The following ZSWIM7 variants were observed in gnomAD, a reference collection of about 807,000 sequenced individuals.
ZSWIM7 encodes the protein zinc finger SWIM domain-containing protein 7.
In ZSWIM7, 22 loss-of-function variants were observed where a neutral mutation model predicts 21.1. That is an observed-to-expected ratio of 1.04 (90% CI 0.74 to 1.49). The LOEUF is 1.49. Among genes scored for constraint, ZSWIM7 ranks in the 40% most tolerant of loss-of-function variants. The probability of loss-of-function intolerance (pLI) is 0.00; values close to 1 mark genes in which losing one functional copy is unlikely to be tolerated. For synonymous variants in ZSWIM7, 67 were observed against 66.5 expected (o/e 1.01, Z -0.04); for missense variants, 193 against 168.0 (o/e 1.15, Z -0.82).
At chr17:15,986,405 A>G (rs1363930328) in intron 3 of ZSWIM7, among the ~76,000 whole-genome samples, 1 of 152,194 alleles carries the variant, frequency 6.6e-6, no homozygotes, top group Non-Finnish European at 1.5e-5. Context: ...GCTAAGTGAA[A>G]TAAGCCAGGT....
intron 4 of ZSWIM7, among the ~76,000 whole-genome samples, chr17:15,979,942 T>C: frequency 8.3e-6 from 1 of 120,584 alleles, no homozygotes. Context: ...ACGGGGCGGC[T>C]GGCCGGGCAG....
chr17:15,998,357 G>A (rs1210648409), intron 1 of ZSWIM7, among the ~76,000 whole-genome samples: 2 of 152,150 alleles, frequency 1.3e-5, no homozygotes, highest in Admixed American at 1.3e-4. Context: ...TTTTGACTGA[G>A]ATGAGGAAAC....
At chr17:15,978,247 A>C in intron 4 of ZSWIM7, 84 bp from the exon 5 acceptor site, 2 of 965,522 alleles carry the variant, frequency 2.1e-6, no homozygotes, top group Non-Finnish European at 3.3e-6. Context: ...TTACCATCTT[A>C]TTTGGCAGGA....
chr17:15,993,885 C>A, intron 1 of ZSWIM7, 107 bp from the exon 2 acceptor site: 1 of 766,484 alleles, frequency 1.3e-6, no homozygotes, highest in South Asian at 1.6e-5. Flanking sequence ...GTGTGATGGT[C>A]AACTGAACCT....
chr17:15,998,922 T>A (rs1014617391), intron 1 of ZSWIM7, among the ~76,000 whole-genome samples: 1 of 151,874 alleles, frequency 6.6e-6, no homozygotes, highest in Non-Finnish European at 1.5e-5. Context: ...GCCCAGCTAA[T>A]TTTTTGTATT....
intron 2 of ZSWIM7, among the ~76,000 whole-genome samples, chr17:15,991,923 GTTTT>G (rs1970490121): frequency 7.8e-6 from 1 of 128,414 alleles, no homozygotes; most frequent in African/African-American, 3.0e-5. Context: ...TGTTTGTTTT[GTTTT>G]GTTTTGTTTT....
chr17:15,992,338 T>C (rs1292415380), intron 2 of ZSWIM7, among the ~76,000 whole-genome samples: 1 of 152,200 alleles, frequency 6.6e-6, no homozygotes, highest in Admixed American at 6.5e-5. Context: ...TATATTATTC[T>C]CATTTAAGTA....
intron 2 of ZSWIM7, among the ~76,000 whole-genome samples, chr17:15,988,925 C>G (rs1401776475): frequency 2.6e-5 from 4 of 152,088 alleles, no homozygotes; most frequent in Non-Finnish European, 5.9e-5. Context: ...GAGGCTGAGG[C>G]AGGAGAATCG....
At chr17:15,999,469 A>T (rs1471210693) in intron 1 of ZSWIM7, 50 bp downstream of exon 1, 1 of 1,584,882 alleles carries the variant, frequency 6.3e-7, no homozygotes, top group Non-Finnish European at 8.5e-7. Context: ...CGGTGCCCGG[A>T]TGCCCCGCCC....
intron 1 of ZSWIM7, among the ~76,000 whole-genome samples, chr17:15,999,114 A>C (rs559821782): frequency 1.3e-5 from 2 of 152,202 alleles, no homozygotes; most frequent in Admixed American, 6.5e-5. Context: ...TTTGAGAAAA[A>C]GAAGTTTAAT....
intron 1 of ZSWIM7, 29 bp downstream of exon 1, chr17:15,999,490 C>G: frequency 6.3e-7 from 1 of 1,594,068 alleles, no homozygotes; most frequent in Non-Finnish European, 8.5e-7. Context: ...GCGCCCATGG[C>G]GCAGCCACAC....
chr17:15,989,627 GTTTGTTT>G (rs1970457215), intron 2 of ZSWIM7, among the ~76,000 whole-genome samples: 1 of 151,858 alleles, frequency 6.6e-6, no homozygotes, highest in Non-Finnish European at 1.5e-5. Flanking sequence ...CTTTTTGTTT[GTTTGTTT>G]TTTGTTTTTT....
chr17:15,979,487 C>T (rs901874724), intron 4 of ZSWIM7, among the ~76,000 whole-genome samples: 2 of 152,224 alleles, frequency 1.3e-5, no homozygotes, highest in Non-Finnish European at 2.9e-5. Context: ...ATGGCCCGCT[C>T]TCAATGAGCT....
At chr17:15,987,158 T>G in intron 3 of ZSWIM7, 108 bp downstream of exon 3, 1 of 867,458 alleles carries the variant, frequency 1.2e-6, no homozygotes, top group Admixed American at 3.6e-5. Context: ...CAAAAGCCTT[T>G]TAACAGTCCA....
In ZSWIM7 at chr17:15,999,426, C is replaced by A. The variant is rs755803656; in HGVS notation, c.76+93G>T. 12 of 1,470,848 alleles carry A rather than the reference C, an allele frequency of 8.2e-6. No homozygotes were observed. The African/African-American group carries it at 1.2e-4, about 15-fold the overall frequency. The allele number at this position is 1,470,848 out of a possible 1,614,324, so 91.1% of individuals were successfully genotyped here. On this transcript the variant is annotated intron_variant, in intron 1 of 4. Coordinates refer to ENST00000399277, the MANE Select transcript of ZSWIM7 (RefSeq NM_001042697.2). ...CACATGGAAAAAAGGCAGGGCCAGG[C>A]CCGGACACCCCGCCTCCTGCCTCCC... is the stretch of plus-strand genomic sequence containing the variant.
chr17:15,981,192 A>G, intron 3 of ZSWIM7, 48 bp from the exon 4 acceptor site: 1 of 1,408,334 alleles, frequency 7.1e-7, no homozygotes, highest in Non-Finnish European at 9.9e-7. Context: ...TGCTGGAAAA[A>G]CCACCTCTTT....
chr17:15,987,206 TGAA>T, intron 3 of ZSWIM7, 57 bp downstream of exon 3: 1 of 1,372,152 alleles, frequency 7.3e-7, no homozygotes, highest in Non-Finnish European at 1.0e-6. Flanking sequence ...TCTACAGAGA[TGAA>T]GAACATTTTG....
At chr17:15,997,251 T>C (rs1419401966) in intron 1 of ZSWIM7, among the ~76,000 whole-genome samples, 3 of 151,198 alleles carry the variant, frequency 2.0e-5, no homozygotes, top group African/African-American at 7.3e-5. Flanking sequence ...TCCCAGATAA[T>C]AATGGTTAAG....
intron 2 of ZSWIM7, among the ~76,000 whole-genome samples, chr17:15,991,442 T>C (rs1198905872): frequency 1.3e-5 from 2 of 152,210 alleles, no homozygotes; most frequent in Non-Finnish European, 2.9e-5. Context: ...CTATTGCCTG[T>C]TACCCTGCAA....
Sources: gnomAD v4.1 joint callset for allele counts (sites outside exome capture counted in the v4.1 genomes callset) on GRCh38, gnomAD v4.1.1 for gene constraint, MANE v1.5 for transcripts, NCBI Gene and HGNC (gene_info 2026-07-23, HGNC 2026-07-21) for gene names.